The following TBX20 variants were observed in gnomAD, a reference collection of about 807,000 sequenced individuals.
TBX20 encodes the protein T-box transcription factor 20.
A neutral mutation model predicts 42.9 loss-of-function variants in TBX20; 8 were observed. The observed-to-expected ratio is 0.19, with a 90% CI of 0.11 to 0.34. TBX20 has a LOEUF of 0.34. Among genes scored for constraint, TBX20 ranks in the 10% least tolerant of loss-of-function variants. The probability of loss-of-function intolerance (pLI) is 1.00; values close to 1 mark genes in which losing one functional copy is unlikely to be tolerated. For missense variants in TBX20, 411 were observed against 566.0 expected (o/e 0.73, Z 2.78); for synonymous variants, 198 against 222.8 (o/e 0.89, Z 0.99).
At chr7:35,230,884 T>A (rs1426208089) in intron 6 of TBX20, among the ~76,000 whole-genome samples, 2 of 152,204 alleles carry the variant, frequency 1.3e-5, no homozygotes, top group Non-Finnish European at 2.9e-5. Flanking sequence ...AAAATATGTA[T>A]CTCCATATAG....
chr7:35,234,784 G>A (rs1346841480), intron 5 of TBX20, among the ~76,000 whole-genome samples: 1 of 152,112 alleles, frequency 6.6e-6, no homozygotes, highest in African/African-American at 2.4e-5. Flanking sequence ...GCTTTTGCAC[G>A]TGAGAACAGG....
intron 5 of TBX20, among the ~76,000 whole-genome samples, chr7:35,237,384 C>T (rs2429420): frequency 0.36 from 52,767 of 147,714 alleles, 9,775 homozygotes; most frequent in Admixed American, 0.45. Context: ...AAACTGAATA[C>T]TAGGTGATAT....
At chr7:35,234,542 T>C (rs1292368329) in intron 5 of TBX20, among the ~76,000 whole-genome samples, 8 of 152,222 alleles carry the variant, frequency 5.3e-5, no homozygotes, top group Admixed American at 3.9e-4. Flanking sequence ...CTACTGCTAA[T>C]ATCATTTTAA....
intron 1 of TBX20, among the ~76,000 whole-genome samples, chr7:35,252,859 T>TA (rs747806764): frequency 4.6e-5 from 7 of 152,248 alleles, no homozygotes; most frequent in Non-Finnish European, 1.0e-4. Context: ...TAAAGGTTGT[T>TA]AAACAAACAA....
At chr7:35,228,524 C>T (rs555937677) in intron 6 of TBX20, among the ~76,000 whole-genome samples, 1 of 151,948 alleles carries the variant, frequency 6.6e-6, no homozygotes, top group Admixed American at 6.6e-5. Flanking sequence ...GCAATGCACA[C>T]AAACTCTTTT....
Position 35,250,028 on chromosome 7 carries a change from G to A in TBX20, c.303C>T (p.Ala101=). The A allele has an allele frequency of 1.2e-6, 2 of 1,613,980 alleles. No homozygotes were observed. The highest frequency in any genetic ancestry group is 2.2e-5 in the South Asian group (2 of 91,070). Residue 101 remains alanine (A), a synonymous_variant, in exon 2 of 8, where the codon GCC becomes GCT. Transcript: ENST00000408931. The part of the protein sequence containing the change: ...IIPSEEMAKI[A]CSLETKELWD... ...AAAGCTCCTTGGTCTCCAGGCTGCA[G>A]GCAATTTTGGCCATTTCCTCACTGG...
At chr7:35,236,676 T>C (rs1309360231) in intron 5 of TBX20, among the ~76,000 whole-genome samples, 2 of 152,190 alleles carry the variant, frequency 1.3e-5, no homozygotes, top group African/African-American at 2.4e-5. Flanking sequence ...AATCAAATTG[T>C]TGACTATTAA....
chr7:35,236,466 G>A (rs1415604649), intron 5 of TBX20, among the ~76,000 whole-genome samples: 3 of 152,140 alleles, frequency 2.0e-5, no homozygotes, highest in Admixed American at 6.6e-5. Context: ...ACTTGGTAGA[G>A]AAGTGAAGTC....
intron 3 of TBX20, among the ~76,000 whole-genome samples, chr7:35,245,385 T>C (rs1790163992): frequency 6.6e-6 from 1 of 151,450 alleles, no homozygotes; most frequent in Admixed American, 6.6e-5. Context: ...TCTGCTTCGA[T>C]CAAACGCAAA....
intron 6 of TBX20, among the ~76,000 whole-genome samples, chr7:35,213,585 T>C (rs1562558081): frequency 6.6e-6 from 1 of 152,148 alleles, no homozygotes; most frequent in Admixed American, 6.5e-5. Context: ...TGGGAACCCA[T>C]TATAATGAGT....
chr7:35,216,168 T>C (rs1584343652), intron 6 of TBX20, among the ~76,000 whole-genome samples: 1 of 152,182 alleles, frequency 6.6e-6, no homozygotes, highest in East Asian at 1.9e-4. Flanking sequence ...CAGACTTTAG[T>C]GTTCACCAGA....
In TBX20 at chr7:35,202,786, C is replaced by T; in HGVS notation, c.1004-16G>A. 1 of 1,537,076 alleles carries T rather than the reference C, an allele frequency of 6.5e-7. No individual in the cohort carries two copies. The highest frequency in any genetic ancestry group is 8.8e-7 in the Non-Finnish European group (1 of 1,135,800). ...AAGGCTGACCCTGTAAGGAAAAACA[C>T]TCATTAGACTGGAAACACTGTGTCA... On this transcript the variant is annotated splice_polypyrimidine_tract_variant and intron_variant, in intron 7 of 7. Coordinates refer to ENST00000408931, the MANE Select transcript of TBX20 (RefSeq NM_001077653.2).
chr7:35,246,495 A>C (rs1397479799), intron 3 of TBX20, among the ~76,000 whole-genome samples: 5 of 152,238 alleles, frequency 3.3e-5, no homozygotes, highest in Non-Finnish European at 7.3e-5. Flanking sequence ...CATTCACCAC[A>C]TGTAATGGCT....
At chr7:35,207,519 A>G (rs994613538) in intron 6 of TBX20, among the ~76,000 whole-genome samples, 3 of 152,154 alleles carry the variant, frequency 2.0e-5, no homozygotes, top group Non-Finnish European at 4.4e-5. Context: ...TTGTAATTCT[A>G]TGGATCACGC....
intron 3 of TBX20, among the ~76,000 whole-genome samples, chr7:35,246,722 T>G (rs1790195282): frequency 6.6e-6 from 1 of 152,108 alleles, no homozygotes; most frequent in South Asian, 2.1e-4. Flanking sequence ...CATGGGAAAT[T>G]TTTGCCATCA....
intron 5 of TBX20, among the ~76,000 whole-genome samples, chr7:35,232,960 C>G (rs954263044): frequency 6.6e-5 from 10 of 152,180 alleles, no homozygotes; most frequent in African/African-American, 2.4e-4. Context: ...GCAGAGGTTG[C>G]AGTGAGCCGA....
intron 6 of TBX20, among the ~76,000 whole-genome samples, chr7:35,210,307 G>A (rs1251367714): frequency 2.0e-5 from 3 of 151,616 alleles, no homozygotes; most frequent in Admixed American, 6.6e-5. Context: ...AGTAGAGACC[G>A]GGTTTCACCA....
rs572514288 is a variant in TBX20 at position 35,252,006 on chromosome 7, G to A, written c.127+1488C>T. Among the ~76,000 whole-genome samples the A allele has an allele frequency of 6.6e-5, 10 of 152,248 alleles. No individual in the cohort carries two copies. The South Asian group carries it at 2.1e-3, about 32-fold the overall frequency. On this transcript the variant is annotated intron_variant, in intron 1 of 7. Transcript: ENST00000408931. ...GGGTTGGAGTTGTGAGCTGGGCATG[G>A]CTTTAAAGTTCAAGATTTAGAATTT...
In TBX20 at chr7:35,202,849, A is replaced by G. The variant is rs553334953; in HGVS notation, c.1004-79T>C. Reference sequence around the variant, plus strand: ...AGAATTAAATTATCTGTAAAGATCAATTTGTGTTTAAGAATATTTAATACG... The same window carrying G: ...AGAATTAAATTATCTGTAAAGATCAGTTTGTGTTTAAGAATATTTAATACG... On this transcript the variant is annotated intron_variant, in intron 7 of 7. Coordinates refer to ENST00000408931, the MANE Select transcript of TBX20 (RefSeq NM_001077653.2). 5.0e-4 allele frequency: 761 copies of G among 1,532,654 alleles called. 1 individual carries two copies. Among genetic ancestry groups the G allele is most frequent in the Non-Finnish European group, 5.9e-4 (669 of 1,133,298 alleles). 94.9% of individuals were successfully genotyped at this position (1,532,654 alleles called of 1,614,324 possible). A position where few individuals can be genotyped will look rare whatever the true frequency, so the allele number is the denominator to read the frequency against.
Sources: allele counts gnomAD v4.1 joint callset (sites outside exome capture counted in the v4.1 genomes callset), GRCh38; gene constraint gnomAD v4.1.1; transcripts MANE v1.5; gene names NCBI Gene and HGNC (gene_info 2026-07-23, HGNC 2026-07-21).